Variants in CCDC88C observed in about 807,000 individuals in gnomAD.
The protein encoded by CCDC88C is protein Daple.
CCDC88C carries 131 observed loss-of-function variants against 198.8 expected under a neutral mutation model. That is an observed-to-expected ratio of 0.66 (90% CI 0.57 to 0.76). The LOEUF (loss-of-function observed/expected upper bound fraction) is 0.76. Ranked by LOEUF, CCDC88C falls within the 30% of genes least tolerant of loss-of-function variation. The pLI, the probability that CCDC88C is intolerant of heterozygous loss-of-function variation, is 0.00. For synonymous variants in CCDC88C, 1,166 were observed against 1,114.7 expected (o/e 1.05, Z -0.92); for missense variants, 2,553 against 2,631.6 (o/e 0.97, Z 0.65).
At chr14:91,280,368 CT>C (rs1276731377) in intron 27 of CCDC88C, among the ~76,000 whole-genome samples, 1 of 152,226 alleles carries the variant, frequency 6.6e-6, no homozygotes, top group Admixed American at 6.5e-5. Context: ...CAGAAAACAC[CT>C]GCTAGCAAAT....
intron 26 of CCDC88C, among the ~76,000 whole-genome samples, chr14:91,282,179 G>T (rs1435996679): frequency 6.6e-6 from 1 of 152,168 alleles, no homozygotes; most frequent in African/African-American, 2.4e-5. Flanking sequence ...ATGCCCACCT[G>T]CAACAGATAT....
intron 21 of CCDC88C, among the ~76,000 whole-genome samples, chr14:91,299,235 C>T (rs1891165506): frequency 6.6e-6 from 1 of 152,212 alleles, no homozygotes; most frequent in South Asian, 2.1e-4. Flanking sequence ...CAAAGCTTAT[C>T]TAAGACTTTT....
chr14:91,349,509 A>G (rs1016622570), intron 4 of CCDC88C, among the ~76,000 whole-genome samples: 1 of 152,190 alleles, frequency 6.6e-6, no homozygotes, highest in Non-Finnish European at 1.5e-5. Context: ...GAATTTCTAC[A>G]CCAAAAAAGT....
rs1276083098 is a variant in CCDC88C at position 91,314,050 on chromosome 14, TCCA to T, written c.1763_1765del (p.Val588del). ...CTGGTGGAGGGCTTTGTTCTCCTTCTCCACGTCTTTCATGCGGGCCTCACTGCT... is the reference window on the plus strand; with the variant it reads ...CTGGTGGAGGGCTTTGTTCTCCTTCTCGTCTTTCATGCGGGCCTCACTGCT... On this transcript the variant is annotated inframe_deletion, in exon 15 of 30. Coordinates refer to ENST00000389857, the MANE Select transcript of CCDC88C (RefSeq NM_001080414.4). 1.2e-6 allele frequency: 2 copies of T among 1,613,858 alleles called. No individual in the cohort carries two copies. Among genetic ancestry groups the T allele is most frequent in the Non-Finnish European group, 1.7e-6 (2 of 1,179,840 alleles).
chr14:91,395,666 C>G (rs1259885025), intron 3 of CCDC88C, among the ~76,000 whole-genome samples: 2 of 152,152 alleles, frequency 1.3e-5, no homozygotes, highest in African/African-American at 4.8e-5. Flanking sequence ...GAAGGCAAAC[C>G]TGCCTGCTCC....
At chr14:91,308,224 G>A in intron 17 of CCDC88C, 127 bp downstream of exon 17, 1 of 1,088,314 alleles carries the variant, frequency 9.2e-7, no homozygotes, top group Non-Finnish European at 1.3e-6. Flanking sequence ...CAGTCACTCT[G>A]TGGCGCATCT....
chr14:91,380,511 T>C (rs867567818), intron 3 of CCDC88C, among the ~76,000 whole-genome samples: 1 of 149,906 alleles, frequency 6.7e-6, no homozygotes, highest in South Asian at 2.1e-4. Context: ...AATAAGCCCC[T>C]GTATACCCTC....
chr14:91,337,908 T>C, intron 10 of CCDC88C, 97 bp downstream of exon 10: 4 of 1,462,398 alleles, frequency 2.7e-6, no homozygotes. Context: ...CAGCTGTGGC[T>C]CCGCTCCTCC....
intron 23 of CCDC88C, 140 bp from the exon 24 acceptor site, chr14:91,291,224 A>G (rs1890644609): frequency 1.6e-6 from 1 of 627,368 alleles, no homozygotes. Context: ...CACCACCGTC[A>G]TGGTCACTGA....
At chr14:91,346,664 G>T (rs972230193) in intron 4 of CCDC88C, among the ~76,000 whole-genome samples, 1 of 152,112 alleles carries the variant, frequency 6.6e-6, no homozygotes, top group South Asian at 2.1e-4. Flanking sequence ...TAGCACTTTG[G>T]GAGGCCAAGG....
chr14:91,308,238 C>T, intron 17 of CCDC88C, 113 bp downstream of exon 17: 1 of 1,264,096 alleles, frequency 7.9e-7, no homozygotes, highest in South Asian at 1.5e-5. Context: ...CGCATCTACC[C>T]CTGCCCTAGA....
At chr14:91,401,376 G>A (rs61988436) in intron 3 of CCDC88C, among the ~76,000 whole-genome samples, 24,914 of 139,882 alleles carry the variant, frequency 0.18, 2,741 homozygotes, top group Non-Finnish European at 0.26. Flanking sequence ...ACTCTGTCGC[G>A]CAGGCTGGAG....
chr14:91,303,136 G>C (rs908090952), intron 20 of CCDC88C, among the ~76,000 whole-genome samples: 6 of 152,108 alleles, frequency 3.9e-5, no homozygotes, highest in Non-Finnish European at 8.8e-5. Flanking sequence ...CCAGTCCTCC[G>C]CGCAGCCTGA....
chr14:91,308,247 G>C (rs1315955742), intron 17 of CCDC88C, 104 bp downstream of exon 17: 12 of 1,379,530 alleles, frequency 8.7e-6, no homozygotes, highest in African/African-American at 1.4e-5. Flanking sequence ...CCCTGCCCTA[G>C]AAAATGGGTA....
intron 3 of CCDC88C, among the ~76,000 whole-genome samples, chr14:91,390,925 G>A (rs1230561779): frequency 6.6e-6 from 1 of 152,140 alleles, no homozygotes; most frequent in Non-Finnish European, 1.5e-5. Context: ...CTTGGGCTCT[G>A]GGACAAGGTT....
intron 3 of CCDC88C, among the ~76,000 whole-genome samples, chr14:91,406,475 T>C (rs1265889586): frequency 6.6e-6 from 1 of 152,082 alleles, no homozygotes; most frequent in African/African-American, 2.4e-5. Context: ...GCCCATTCCC[T>C]CCCATGACCC....
At position 91,281,390 on chromosome 14, in the gene CCDC88C, A is replaced by G. The variant is rs147194717; in HGVS notation, c.4699+67T>C. 1.6e-4 allele frequency: 252 copies of G among 1,611,260 alleles called. 2 individuals carry two copies. The East Asian group carries it at 5.5e-3, about 35-fold the overall frequency. ...TCCCGTACAGGACTCAGCTTAAAGGAAAGGTACCGTGGATAAAAACCAGTC... is the reference window on the plus strand; with the variant it reads ...TCCCGTACAGGACTCAGCTTAAAGGGAAGGTACCGTGGATAAAAACCAGTC... On this transcript the variant is annotated intron_variant, in intron 27 of 29. Coordinates refer to ENST00000389857, the MANE Select transcript of CCDC88C (RefSeq NM_001080414.4).
At chr14:91,353,807 T>C (rs1186958292) in intron 4 of CCDC88C, among the ~76,000 whole-genome samples, 3 of 152,216 alleles carry the variant, frequency 2.0e-5, no homozygotes, top group Non-Finnish European at 4.4e-5. Context: ...CGGCAATTAA[T>C]GAAACCCCAA....
rs148364951 is a variant in CCDC88C, at chr14:91,327,520, AC to A, written c.1051-1465del. On this transcript the variant is annotated intron_variant, in intron 10 of 29. Coordinates refer to ENST00000389857, the MANE Select transcript of CCDC88C (RefSeq NM_001080414.4). ...GACAGTCCCTTCCTGCAGATGAAAG[AC>A]CAATTCAGAAAAAATAAGAAATGAG... 4.9e-3 allele frequency among the ~76,000 whole-genome samples: 752 copies of A among 152,242 alleles called. 5 individuals are homozygous for A. The highest frequency in any genetic ancestry group is 0.018 in the African/African-American group (727 of 41,538).
Sources: allele counts gnomAD v4.1 joint callset (sites outside exome capture counted in the v4.1 genomes callset), GRCh38; gene constraint gnomAD v4.1.1; transcripts MANE v1.5; gene names NCBI Gene and HGNC (gene_info 2026-07-23, HGNC 2026-07-21).